Variants in MAML2 observed in about 807,000 individuals in gnomAD.
The protein encoded by MAML2 is mastermind-like protein 2.
Under a neutral mutation model 96.1 loss-of-function variants are expected in MAML2, and 22 were observed. The ratio of observed to expected loss-of-function variants is 0.23; its 90% CI spans 0.16 to 0.33. The LOEUF is 0.33. Ranked by LOEUF, MAML2 falls within the 10% of genes least tolerant of loss-of-function variation. The pLI, the probability that MAML2 is intolerant of heterozygous loss-of-function variation, is 1.00. For missense variants in MAML2, 1,367 were observed against 1,392.4 expected (o/e 0.98, Z 0.29); for synonymous variants, 561 against 521.3 (o/e 1.08, Z -1.04).
chr11:96,137,138 C>T (rs553956650), intron 1 of MAML2, among the ~76,000 whole-genome samples: 2 of 152,000 alleles, frequency 1.3e-5, no homozygotes, highest in African/African-American at 2.4e-5. Context: ...AAGTGGAAAC[C>T]GGGTTAAAAG....
At position 96,244,954 on chromosome 11, in the gene MAML2, G is replaced by A. The variant is rs115474690; in HGVS notation, c.513+96429C>T. Among the ~76,000 whole-genome samples the A allele has an allele frequency of 1.2e-3, 176 of 152,272 alleles. 1 individual carries two copies. The highest frequency in any genetic ancestry group is 3.9e-3 in the African/African-American group (164 of 41,546). ...CTATTTTGTCCACCTGAAACAAAAG[G>A]AACATGCTGTATCTTAAAATGTCAG... On this transcript the variant is annotated intron_variant, in intron 1 of 4. Transcript: ENST00000524717.
At chr11:96,172,342 G>A (rs1861309821) in intron 1 of MAML2, among the ~76,000 whole-genome samples, 1 of 152,242 alleles carries the variant, frequency 6.6e-6, no homozygotes, top group African/African-American at 2.4e-5. Flanking sequence ...ATCACTTGAT[G>A]AAGTGCATCA....
intron 1 of MAML2, among the ~76,000 whole-genome samples, chr11:96,103,831 G>C (rs1179274957): frequency 6.6e-6 from 1 of 152,056 alleles, no homozygotes; most frequent in African/African-American, 2.4e-5. Flanking sequence ...GCAACAAAAG[G>C]GATCTCCTTC....
intron 1 of MAML2, among the ~76,000 whole-genome samples, chr11:96,285,279 G>T (rs1863123490): frequency 6.6e-6 from 1 of 152,122 alleles, no homozygotes. Context: ...CTAGCCATGT[G>T]CAGAAAATTG....
At chr11:96,289,464 C>A (rs1388104213) in intron 1 of MAML2, among the ~76,000 whole-genome samples, 2 of 152,138 alleles carry the variant, frequency 1.3e-5, no homozygotes, top group African/African-American at 4.8e-5. Flanking sequence ...AATGAGTGAC[C>A]TGCAACTGCT....
At chr11:96,074,651 A>C (rs1317718617) in intron 2 of MAML2, among the ~76,000 whole-genome samples, 1 of 152,222 alleles carries the variant, frequency 6.6e-6, no homozygotes, top group Admixed American at 6.5e-5. Context: ...TCAGGCATGG[A>C]GACGCCCACC....
chr11:96,045,082 G>A (rs2135759986), intron 2 of MAML2, among the ~76,000 whole-genome samples: 1 of 152,292 alleles, frequency 6.6e-6, no homozygotes, highest in South Asian at 2.1e-4. Context: ...CACCCAGGGT[G>A]GGTGGGTGGA....
chr11:96,011,653 C>T (rs891423753), intron 2 of MAML2, among the ~76,000 whole-genome samples: 1 of 152,046 alleles, frequency 6.6e-6, no homozygotes, highest in Non-Finnish European at 1.5e-5. Context: ...TCAATAGAAG[C>T]CCAAACCTCA....
chr11:96,244,775 A>G (rs938722878), intron 1 of MAML2, among the ~76,000 whole-genome samples: 5 of 152,140 alleles, frequency 3.3e-5, no homozygotes, highest in African/African-American at 1.2e-4. Context: ...GAGCAATCAC[A>G]CACTATTCAA....
intron 1 of MAML2, among the ~76,000 whole-genome samples, chr11:96,096,924 A>G (rs1349785752): frequency 6.6e-6 from 1 of 152,216 alleles, no homozygotes; most frequent in Non-Finnish European, 1.5e-5. Context: ...ACACCCATCA[A>G]AACTTCACTG....
chr11:96,331,073 C>A (rs948757469), intron 1 of MAML2, among the ~76,000 whole-genome samples: 2 of 152,054 alleles, frequency 1.3e-5, no homozygotes, highest in East Asian at 3.9e-4. Context: ...AGTTTGAGAC[C>A]AGCCTGGGCA....
At chr11:96,191,369 CA>C (rs1407359311) in intron 1 of MAML2, among the ~76,000 whole-genome samples, 2 of 151,564 alleles carry the variant, frequency 1.3e-5, no homozygotes, top group East Asian at 3.9e-4. Flanking sequence ...GAGGCTGAGG[CA>C]GAAGAATCGC....
intron 1 of MAML2, among the ~76,000 whole-genome samples, chr11:96,329,332 A>G (rs2136016588): frequency 6.6e-6 from 1 of 152,350 alleles, no homozygotes; most frequent in African/African-American, 2.4e-5. Context: ...AGGGTATTCA[A>G]CAATTAATAT....
chr11:96,071,919 T>C (rs1859351121), intron 2 of MAML2, among the ~76,000 whole-genome samples: 1 of 152,198 alleles, frequency 6.6e-6, no homozygotes, highest in Admixed American at 6.5e-5. Flanking sequence ...GGCAGACTTC[T>C]CTAATTGCAC....
chr11:96,067,313 A>G (rs533877756), intron 2 of MAML2, among the ~76,000 whole-genome samples: 1 of 152,278 alleles, frequency 6.6e-6, no homozygotes, highest in East Asian at 1.9e-4. Context: ...TTTAAAAACA[A>G]CTCTTCAAGA....
chr11:96,135,807 G>A (rs1054456986), intron 1 of MAML2, among the ~76,000 whole-genome samples: 4 of 149,650 alleles, frequency 2.7e-5, no homozygotes, highest in Middle Eastern at 6.9e-3. Context: ...AGGTTGCAGT[G>A]AGCCAAGATC....
rs541787335 is a variant in MAML2, at chr11:96,282,253, A to T, written c.513+59130T>A. 1.6e-3 allele frequency among the ~76,000 whole-genome samples: 235 copies of T among 144,726 alleles called. 1 individual carries two copies. The East Asian group carries it at 0.018, about 11-fold the overall frequency. 94.9% of individuals were successfully genotyped at this position (144,726 alleles called of 152,430 possible). On this transcript the variant is annotated intron_variant, in intron 1 of 4. Transcript: ENST00000524717. ...GACAGAGCAAGACTCCATCTCAAAA[A>T]AAAAATAATAATAATAATAATAATA... is the stretch of plus-strand genomic sequence containing the variant.
intron 1 of MAML2, among the ~76,000 whole-genome samples, chr11:96,129,938 C>G (rs545869086): frequency 1.5e-4 from 23 of 152,302 alleles, no homozygotes; most frequent in Admixed American, 1.3e-3. Context: ...AACCTTCAGC[C>G]AAGGCTAAGA....
At chr11:96,108,810 A>G (rs1860070251) in intron 1 of MAML2, among the ~76,000 whole-genome samples, 1 of 152,086 alleles carries the variant, frequency 6.6e-6, no homozygotes, top group Non-Finnish European at 1.5e-5. Flanking sequence ...AGACAGGCAG[A>G]TCGCTTGAGT....
Sources: gnomAD v4.1 joint callset for allele counts (sites outside exome capture counted in the v4.1 genomes callset) on GRCh38, gnomAD v4.1.1 for gene constraint, MANE v1.5 for transcripts, NCBI Gene and HGNC (gene_info 2026-07-23, HGNC 2026-07-21) for gene names.